UBALD1: variants seen among roughly 807,000 people sequenced by gnomAD.
UBALD1 encodes UBA-like domain-containing protein 1.
In UBALD1, 5 loss-of-function variants were observed where a neutral mutation model predicts 16.1. That is an observed-to-expected ratio of 0.31 (90% CI 0.16 to 0.66). The LOEUF (loss-of-function observed/expected upper bound fraction) is 0.66. UBALD1 is among the 30% of genes least tolerant of loss of function. The probability of loss-of-function intolerance (pLI) is 0.77; values close to 1 mark genes in which losing one functional copy is unlikely to be tolerated. For missense variants in UBALD1, 220 were observed against 252.8 expected (o/e 0.87, Z 0.88); for synonymous variants, 146 against 105.3 (o/e 1.39, Z -2.37).
intron 1 of UBALD1, chr16:4,613,834 T>A (rs1474673927): frequency 6.6e-6 from 1 of 152,344 alleles, no homozygotes; most frequent in African/African-American, 2.4e-5. Flanking sequence ...CAGCATCACC[T>A]CCTACCCAGC....
Position 4,609,871 on chromosome 16 carries a change from G to C in UBALD1, c.296C>G (p.Pro99Arg). Residue 99 changes from proline (P) to arginine (R), a missense_variant, in exon 3 of 3, where the codon CCG becomes CGG. This residue lies in a region of UBALD1 where 151 missense variants were observed against 132.6 expected (regional missense o/e 1.14). Coordinates refer to ENST00000283474, the MANE Select transcript of UBALD1 (RefSeq NM_145253.3). The part of the protein sequence containing the change: ...ESFHSGGSGS[P>R]MAATATSPPP... ...GGGTGACGTGGCTGTCGCGGCCATC[G>C]GGCTGCCGCTGCCACCGCTGTGGAA... is the stretch of plus-strand genomic sequence containing the variant. 1 of 1,537,796 alleles carries C rather than the reference G, an allele frequency of 6.5e-7. No homozygotes were observed. Among genetic ancestry groups the C allele is most frequent in the Non-Finnish European group, 8.8e-7 (1 of 1,141,292 alleles).
intron 1 of UBALD1, 181 bp downstream of exon 1, chr16:4,614,497 G>A: frequency 1.8e-6 from 2 of 1,088,188 alleles, no homozygotes; most frequent in South Asian, 2.1e-5. Flanking sequence ...TCCCACCTCC[G>A]CCCGCCGCGA....
At position 4,608,963 on chromosome 16, in the gene UBALD1, TGCAGGCAGCCCCA is replaced by T; in HGVS notation, c.*657_*669del. 1 of 152,436 alleles carries T rather than the reference TGCAGGCAGCCCCA, an allele frequency of 6.6e-6. No individual in the cohort carries two copies. Among genetic ancestry groups the T allele is most frequent in the Admixed American group, 6.5e-5 (1 of 15,278 alleles). 9.4% of individuals were successfully genotyped at this position (152,436 alleles called of 1,614,324 possible). On this transcript the variant is annotated 3_prime_UTR_variant, in exon 3 of 3. Coordinates refer to ENST00000283474, the MANE Select transcript of UBALD1 (RefSeq NM_145253.3). ...GGTACCCCCAGGTGCAGGGGAGGCATGCAGGCAGCCCCAGCAGGCAGGCGCTGGGAGGCGGTGG... is the reference window on the plus strand; with the variant it reads ...GGTACCCCCAGGTGCAGGGGAGGCATGCAGGCAGGCGCTGGGAGGCGGTGG...
chr16:4,614,306 C>T, intron 1 of UBALD1: 1 of 360,532 alleles, frequency 2.8e-6, no homozygotes, highest in East Asian at 4.0e-5. Context: ...GCCCTCCGGC[C>T]CAGCTCTGCC....
intron 1 of UBALD1, 140 bp downstream of exon 1, chr16:4,614,538 G>C (rs1186081059): frequency 7.7e-7 from 1 of 1,302,820 alleles, no homozygotes; most frequent in Non-Finnish European, 1.0e-6. Context: ...GGGCACCGCC[G>C]TCGGGAAAGC....
Position 4,614,810 on chromosome 16 carries a change from C to T in UBALD1, c.-13G>A. The T allele has an allele frequency of 6.7e-7, 1 of 1,493,166 alleles. No homozygotes were observed. The highest frequency in any genetic ancestry group is 2.3e-5 in the Admixed American group (1 of 43,268). 92.5% of individuals were successfully genotyped at this position (1,493,166 alleles called of 1,614,324 possible). ...TGTTCACGGACATGGCGCCGCCGCG[C>T]TGCCCGCTCCGGCCTCCCTCCTCCG... is the stretch of plus-strand genomic sequence containing the variant. On this transcript the variant is annotated 5_prime_UTR_variant, in exon 1 of 3. Coordinates refer to ENST00000283474, the MANE Select transcript of UBALD1 (RefSeq NM_145253.3).
At position 4,610,575 on chromosome 16, in the gene UBALD1, T is replaced by A. The variant is rs1897346793; in HGVS notation, c.121-20A>T. The A allele has an allele frequency of 3.7e-6, 6 of 1,603,656 alleles. No individual in the cohort carries two copies. Among genetic ancestry groups the A allele is most frequent in the Admixed American group, 1.7e-5 (1 of 57,430 alleles). Reference sequence around the variant, plus strand: ...GGCTGTCTGCAGGAAGAAAGGCCCCTGCTCACCCTCCAGGCCCCCGCCGGC... The same window carrying A: ...GGCTGTCTGCAGGAAGAAAGGCCCCAGCTCACCCTCCAGGCCCCCGCCGGC... On this transcript the variant is annotated intron_variant, in intron 1 of 2. Transcript: ENST00000283474.
chr16:4,614,314 G>T, intron 1 of UBALD1: 1 of 361,902 alleles, frequency 2.8e-6, no homozygotes, highest in Admixed American at 4.7e-5. Flanking sequence ...GCCCAGCTCT[G>T]CCGAGGCCTG....
At chr16:4,610,223 T>C (rs2141783328) in intron 2 of UBALD1, 1 of 711,382 alleles carries the variant, frequency 1.4e-6, no homozygotes, top group Non-Finnish European at 2.5e-6. Flanking sequence ...AGCCCACCCC[T>C]TTCCATCAGC....
Position 4,611,064 on chromosome 16 carries a change from T to G in UBALD1, c.121-509A>C, listed in dbSNP as rs1378124644. 3 of 206,578 alleles carry G rather than the reference T, an allele frequency of 1.5e-5. No individual in the cohort carries two copies. The East Asian group carries it at 3.1e-4, about 21-fold the overall frequency. The allele number at this position is 206,578 out of a possible 1,614,324, so 12.8% of individuals were successfully genotyped here. On this transcript the variant is annotated intron_variant, in intron 1 of 2. Transcript: ENST00000283474. The stretch of plus-strand genomic sequence containing the variant: ...AAAGCATCCTGAAGGAGTCTGAGCC[T>G]GGTGGTGGGGATCCCCTGCTGCCCC...
chr16:4,610,035 C>T (rs1167581550), intron 2 of UBALD1, 52 bp from the exon 3 acceptor site: 1 of 1,363,256 alleles, frequency 7.3e-7, no homozygotes, highest in Non-Finnish European at 1.0e-6. Flanking sequence ...CTGGAGGGGC[C>T]CCCACTGCCT....
intron 2 of UBALD1, 101 bp from the exon 3 acceptor site, chr16:4,610,084 C>G: frequency 1.1e-6 from 1 of 945,926 alleles, no homozygotes; most frequent in Non-Finnish European, 1.7e-6. Flanking sequence ...TCTCGGAAGG[C>G]TCTGTGTTCC....
rs567049221 is a variant in UBALD1, at chr16:4,613,151, G to C, written c.120+1527C>G. 1.2e-4 allele frequency among the ~76,000 whole-genome samples: 18 copies of C among 152,234 alleles called. No individual in the cohort carries two copies. In the South Asian group the frequency reaches 3.3e-3, roughly 28 times the overall value. On this transcript the variant is annotated intron_variant, in intron 1 of 2. Transcript: ENST00000283474. ...GTGTAACTGCCATGAATGCGGTTTT[G>C]CAAGTTTTGCCACATCCAGCCCCTG...
rs114592617 is a variant in UBALD1 at position 4,614,882 on chromosome 16, C to G, written c.-85G>C. The stretch of plus-strand genomic sequence containing the variant: ...TCCACCATTAGCGAGCCGGCTCCGG[C>G]TAATACAAATATTTACTGTGCGGCT... On this transcript the variant is annotated 5_prime_UTR_variant, in exon 1 of 3. Transcript: ENST00000283474. The G allele has an allele frequency of 6.7e-4, 890 of 1,322,616 alleles. 3 individuals are homozygous for G. The African/African-American group carries it at 0.012, about 18-fold the overall frequency. The allele number at this position is 1,322,616 out of a possible 1,614,324, so 81.9% of individuals were successfully genotyped here. A position where few individuals can be genotyped will look rare whatever the true frequency, so the allele number is the denominator to read the frequency against.
At chr16:4,614,485 G>A in intron 1 of UBALD1, 193 bp downstream of exon 1, 3 of 961,862 alleles carry the variant, frequency 3.1e-6, no homozygotes, top group South Asian at 2.4e-5. Context: ...CGGTGGCCCG[G>A]TTCCCACCTC....
chr16:4,611,854 A>G (rs6500623), intron 1 of UBALD1, among the ~76,000 whole-genome samples: 9,159 of 152,086 alleles, frequency 0.06, 730 homozygotes, highest in African/African-American at 0.18. Context: ...GAGCCCCACA[A>G]GTATTTGAGG....
At position 4,609,917 on chromosome 16, in the gene UBALD1, G is replaced by A. The variant is rs748006204; in HGVS notation, c.250C>T (p.Arg84Cys). ...NFPDALTMFS[R>C]LKASESFHSG... ...TGGAAGCTCTCGGAGGCCTTGAGAC[G>A]GGAGAACATGGTGAGAGCGTCAGGG... is the stretch of plus-strand genomic sequence containing the variant. Residue 84 changes from arginine to cysteine, a missense_variant, in exon 3 of 3, where the codon CGT becomes TGT. By Grantham distance (180) the Arg-to-Cys change is radical (BLOSUM62 -3). This residue lies in a region of UBALD1 where 69 missense variants were observed against 120.3 expected (regional missense o/e 0.57). Transcript: ENST00000283474. 4.1e-5 allele frequency: 66 copies of A among 1,596,418 alleles called. No individual in the cohort carries two copies. The highest frequency in any genetic ancestry group is 1.2e-4 in the Admixed American group (7 of 57,826).
intron 1 of UBALD1, among the ~76,000 whole-genome samples, chr16:4,612,683 G>T (rs944271111): frequency 6.6e-6 from 1 of 152,102 alleles, no homozygotes; most frequent in Non-Finnish European, 1.5e-5. Flanking sequence ...CTGAATTGCA[G>T]CAAATGTGAC....
At chr16:4,614,527 C>T (rs1256150192) in intron 1 of UBALD1, 151 bp downstream of exon 1, 1 of 1,270,676 alleles carries the variant, frequency 7.9e-7, no homozygotes, top group Admixed American at 2.9e-5. Flanking sequence ...ATCCGGACGC[C>T]GGGCACCGCC....
Sources: allele counts gnomAD v4.1 joint callset (sites outside exome capture counted in the v4.1 genomes callset), GRCh38; gene constraint gnomAD v4.1.1; regional missense constraint gnomAD v4.1.1; transcripts MANE v1.5; gene names NCBI Gene and HGNC (gene_info 2026-07-23, HGNC 2026-07-21).